NRG1: variants seen among roughly 807,000 people sequenced by gnomAD.
NRG1 encodes the protein neuregulin 1.
In NRG1, 18 loss-of-function variants were observed where a neutral mutation model predicts 63.8. The ratio of observed to expected loss-of-function variants is 0.28; its 90% CI spans 0.19 to 0.42. The LOEUF is 0.42. Among genes scored for constraint, NRG1 ranks in the 10% least tolerant of loss-of-function variants. The probability of loss-of-function intolerance (pLI) is 1.00; values close to 1 mark genes in which losing one functional copy is unlikely to be tolerated. For synonymous variants in NRG1, 302 were observed against 301.3 expected, an observed-to-expected ratio of 1.00 and a Z score of -0.02; for missense variants, 762 against 814.7, an observed-to-expected ratio of 0.94 and a Z score of 0.79.
intron 1 of NRG1, among the ~76,000 whole-genome samples, chr8:31,799,002 T>C (rs1028673901): frequency 1.3e-5 from 2 of 152,172 alleles, no homozygotes; most frequent in African/African-American, 2.4e-5. Flanking sequence ...TTCATCATTA[T>C]GATTTAAAAT....
intron 1 of NRG1, among the ~76,000 whole-genome samples, chr8:32,004,209 G>T (rs1309139546): frequency 6.6e-6 from 1 of 151,884 alleles, no homozygotes; most frequent in Non-Finnish European, 1.5e-5. Context: ...ATCAGTGGTT[G>T]TCAAGGATTC....
At chr8:32,584,695 T>C (rs974361259) in intron 1 of NRG1, among the ~76,000 whole-genome samples, 1 of 152,194 alleles carries the variant, frequency 6.6e-6, no homozygotes, top group Non-Finnish European at 1.5e-5. Flanking sequence ...AAAGGACACA[T>C]TTGTTTCAGA....
At chr8:32,446,660 C>A (rs201784632) in intron 1 of NRG1, among the ~76,000 whole-genome samples, 25 of 149,666 alleles carry the variant, frequency 1.7e-4, no homozygotes, top group East Asian at 2.0e-4. Context: ...GTCTCAAAAA[C>A]AAAAAAAAAA....
chr8:32,734,689 G>A (rs898195172), intron 6 of NRG1, among the ~76,000 whole-genome samples: 1 of 152,106 alleles, frequency 6.6e-6, no homozygotes, highest in African/African-American at 2.4e-5. Context: ...GTGCTTATGA[G>A]GAATTTATTA....
chr8:32,184,259 C>T (rs1841743077), intron 1 of NRG1, among the ~76,000 whole-genome samples: 1 of 152,126 alleles, frequency 6.6e-6, no homozygotes, highest in Non-Finnish European at 1.5e-5. Context: ...ATGAGCACTT[C>T]ACACAGTATC....
intron 1 of NRG1, among the ~76,000 whole-genome samples, chr8:31,876,406 T>A (rs1295432444): frequency 6.6e-6 from 1 of 152,206 alleles, no homozygotes; most frequent in Non-Finnish European, 1.5e-5. Flanking sequence ...TCTATTCATT[T>A]GAGTAACAAG....
chr8:31,891,904 A>G (rs901381211), intron 1 of NRG1, among the ~76,000 whole-genome samples: 2 of 152,208 alleles, frequency 1.3e-5, no homozygotes, highest in Non-Finnish European at 2.9e-5. Context: ...CAATCTCAAA[A>G]AATTACATAA....
intron 1 of NRG1, among the ~76,000 whole-genome samples, chr8:31,967,166 C>A (rs763568467): frequency 6.6e-6 from 1 of 152,076 alleles, no homozygotes; most frequent in African/African-American, 2.4e-5. Context: ...GTTAAAAAGG[C>A]ATTAAAAATG....
intron 1 of NRG1, among the ~76,000 whole-genome samples, chr8:32,107,842 GCT>G (rs1418610875): frequency 6.6e-6 from 1 of 152,028 alleles, no homozygotes; most frequent in African/African-American, 2.4e-5. Flanking sequence ...CAACCTGAAG[GCT>G]CTTTTGAAAT....
chr8:32,385,818 C>T (rs1055384971), intron 1 of NRG1, among the ~76,000 whole-genome samples: 3 of 152,310 alleles, frequency 2.0e-5, no homozygotes, highest in South Asian at 2.1e-4. Flanking sequence ...ATCATCCTCA[C>T]CTTCAGTTAA....
At chr8:32,037,730 G>A (rs571113720) in intron 1 of NRG1, among the ~76,000 whole-genome samples, 1 of 152,282 alleles carries the variant, frequency 6.6e-6, no homozygotes, top group South Asian at 2.1e-4. Flanking sequence ...GCTGTGCTGC[G>A]CTGTGGGGAA....
At chr8:31,773,578 C>T (rs1818836381) in intron 1 of NRG1, among the ~76,000 whole-genome samples, 1 of 152,226 alleles carries the variant, frequency 6.6e-6, no homozygotes, top group Admixed American at 6.5e-5. Context: ...CTCCACACAA[C>T]AGCCAGAGGG....
intron 1 of NRG1, among the ~76,000 whole-genome samples, chr8:32,527,854 C>T (rs1588125262): frequency 6.6e-6 from 1 of 152,080 alleles, no homozygotes; most frequent in East Asian, 1.9e-4. Context: ...TTTTCACACC[C>T]CACATACACT....
At chr8:31,812,174 T>C (rs149865111) in intron 1 of NRG1, among the ~76,000 whole-genome samples, 102 of 152,298 alleles carry the variant, frequency 6.7e-4, no homozygotes, top group African/African-American at 2.4e-3. Flanking sequence ...TGCAAATGTT[T>C]AAAAATCTTG....
At chr8:32,355,503 C>A (rs1269524780) in intron 1 of NRG1, among the ~76,000 whole-genome samples, 2 of 152,018 alleles carry the variant, frequency 1.3e-5, no homozygotes, top group Non-Finnish European at 2.9e-5. Flanking sequence ...ATATTTGCCA[C>A]AAATATAAAA....
chr8:31,658,364 A>G (rs1805633422), intron 1 of NRG1, among the ~76,000 whole-genome samples: 1 of 152,162 alleles, frequency 6.6e-6, no homozygotes, highest in Non-Finnish European at 1.5e-5. Context: ...CTTTATTTTT[A>G]GTTTTCTCTT....
At chr8:31,668,395 C>G (rs1806768671) in intron 1 of NRG1, among the ~76,000 whole-genome samples, 1 of 152,176 alleles carries the variant, frequency 6.6e-6, no homozygotes, top group African/African-American at 2.4e-5. Flanking sequence ...TATATCCCCC[C>G]AGATGTTTTT....
rs181955066 is a variant in NRG1 at position 32,592,366 on chromosome 8, G to A, written c.101-3462G>A. ...ATCCTATACAGCTCTTTTTCCCTTGGAGCAGGATCCAATCAGTAGCTCCAC... is the reference window on the plus strand; with the variant it reads ...ATCCTATACAGCTCTTTTTCCCTTGAAGCAGGATCCAATCAGTAGCTCCAC... On this transcript the variant is annotated intron_variant, in intron 1 of 11. Coordinates refer to ENST00000356819, the Ensembl canonical transcript of NRG1. Among the ~76,000 whole-genome samples the A allele has an allele frequency of 9.2e-5, 14 of 151,972 alleles. No homozygotes were observed. In the East Asian group the frequency reaches 2.5e-3, roughly 27 times the overall value.
At chr8:31,673,216 G>T (rs759774750) in intron 1 of NRG1, among the ~76,000 whole-genome samples, 3 of 152,070 alleles carry the variant, frequency 2.0e-5, no homozygotes, top group Non-Finnish European at 2.9e-5. Context: ...GATTTGGTGG[G>T]AGAGAAGAGA....
Sources: allele counts gnomAD v4.1 joint callset (sites outside exome capture counted in the v4.1 genomes callset), GRCh38; gene constraint gnomAD v4.1.1; transcripts MANE v1.5; gene names NCBI Gene and HGNC (gene_info 2026-07-23, HGNC 2026-07-21).